The following UIMC1 variants were observed in gnomAD, a reference collection of about 807,000 sequenced individuals.
UIMC1 encodes BRCA1-A complex subunit RAP80.
A neutral mutation model predicts 84.9 loss-of-function variants in UIMC1; 42 were observed. That is an observed-to-expected ratio of 0.49 (90% CI 0.39 to 0.64). The LOEUF is 0.64. UIMC1 is among the 30% of genes least tolerant of loss of function. UIMC1 has a pLI of 0.00. For missense variants in UIMC1, 825 were observed against 847.6 expected (o/e 0.97, Z 0.33); for synonymous variants, 281 against 293.0 (o/e 0.96, Z 0.42).
intron 12 of UIMC1, among the ~76,000 whole-genome samples, chr5:176,908,265 T>A (rs1017649665): frequency 6.6e-6 from 1 of 152,202 alleles, no homozygotes; most frequent in Non-Finnish European, 1.5e-5. Flanking sequence ...AAGGTTATCA[T>A]CTTTGAGTAG....
intron 10 of UIMC1, among the ~76,000 whole-genome samples, chr5:176,928,268 C>T (rs1357302927): frequency 3.9e-5 from 6 of 152,078 alleles, no homozygotes; most frequent in East Asian, 1.9e-4. Flanking sequence ...TGAGTAGTTG[C>T]GACAGAGACC....
chr5:176,979,151 A>G (rs957620350), intron 2 of UIMC1, among the ~76,000 whole-genome samples: 15 of 152,242 alleles, frequency 9.9e-5, no homozygotes, highest in African/African-American at 3.6e-4. Flanking sequence ...TGATAAAGGT[A>G]AAATTTCAAA....
intron 10 of UIMC1, among the ~76,000 whole-genome samples, chr5:176,940,973 C>T (rs548058172): frequency 2.0e-5 from 3 of 152,318 alleles, no homozygotes; most frequent in Admixed American, 6.5e-5. Context: ...GACTCAAGCT[C>T]AAACTGACTG....
In UIMC1 at chr5:176,943,339, A is replaced by G. The variant is rs755666630; in HGVS notation, c.1593T>C (p.Asp531=). 8.1e-6 allele frequency: 13 copies of G among 1,613,822 alleles called. No individual in the cohort carries two copies. The highest frequency in any genetic ancestry group is 1.1e-5 in the Non-Finnish European group (13 of 1,179,882). ...AMYCNGLMEE[D]TVLTRRQKEA... is the part of the protein sequence containing the mutation. The stretch of plus-strand genomic sequence containing the variant: ...GCTGTCCTGCTGGGTCTTTACCTGT[A>G]TCTTCCTCCATCAGACCATTGCAGT... The change falls in exon 10 of 15, where the codon GAT becomes GAC. Residue 531 remains aspartate (D), a synonymous_variant. Transcript: ENST00000511320.
intron 14 of UIMC1, 46 bp from the exon 15 acceptor site, chr5:176,905,538 C>T (rs1759248544): frequency 1.3e-6 from 2 of 1,555,370 alleles, no homozygotes; most frequent in African/African-American, 2.7e-5. Flanking sequence ...ACCTACTAAG[C>T]ATCAAGGACA....
chr5:177,013,361 A>AACAC (rs6149367), intron 1 of UIMC1, among the ~76,000 whole-genome samples: 13,620 of 137,634 alleles, frequency 0.099, 1,033 homozygotes, highest in East Asian at 0.22. Flanking sequence ...ACTGCATCCA[A>AACAC]ACACACACAC....
At chr5:176,938,189 CAAAAAAAAAA>C (rs1170386962) in intron 10 of UIMC1, among the ~76,000 whole-genome samples, 100 of 56,344 alleles carry the variant, frequency 1.8e-3, no homozygotes, top group African/African-American at 7.6e-3. Context: ...GACCCTGTCT[CAAAAAAAAAA>C]AAAAAAAAAA....
In UIMC1 at chr5:176,951,468, A is replaced by C; in HGVS notation, c.1443+6T>G. On this transcript the variant is annotated splice_donor_region_variant and intron_variant, in intron 9 of 14. Coordinates refer to ENST00000511320, the MANE Select transcript of UIMC1 (RefSeq NM_001199298.2). ...ACTGAGAAAAAATATAGAGGAAAAT[A>C]TTCACCTCCTTATCTGCCATTATTA... The C allele has an allele frequency of 4.3e-5, 60 of 1,399,272 alleles. No individual in the cohort carries two copies. Among genetic ancestry groups the C allele is most frequent in the Non-Finnish European group, 5.3e-5 (55 of 1,029,052 alleles). 86.7% of individuals were successfully genotyped at this position (1,399,272 alleles called of 1,614,324 possible). A position where few individuals can be genotyped will look rare whatever the true frequency, so the allele number is the denominator to read the frequency against.
At chr5:176,939,545 G>A (rs1764165124) in intron 10 of UIMC1, among the ~76,000 whole-genome samples, 1 of 152,102 alleles carries the variant, frequency 6.6e-6, no homozygotes, top group Admixed American at 6.5e-5. Context: ...TGTTACAAGT[G>A]ACTACAGTGT....
chr5:177,005,042 G>A (rs778517689), intron 1 of UIMC1, among the ~76,000 whole-genome samples: 1 of 151,784 alleles, frequency 6.6e-6, no homozygotes, highest in Middle Eastern at 3.2e-3. Flanking sequence ...CCACAGGCAC[G>A]CGCCACCACG....
chr5:176,913,193 C>G (rs1417744213), intron 10 of UIMC1, among the ~76,000 whole-genome samples: 2 of 152,158 alleles, frequency 1.3e-5, no homozygotes, highest in African/African-American at 4.8e-5. Context: ...AAGAACTATA[C>G]CTAGTTACTA....
At chr5:176,926,658 C>CAAG (rs1026095132) in intron 10 of UIMC1, among the ~76,000 whole-genome samples, 2 of 151,736 alleles carry the variant, frequency 1.3e-5, no homozygotes, top group African/African-American at 4.8e-5. Flanking sequence ...ACAACAACAA[C>CAAG]AAGAGATGCA....
chr5:176,971,393 C>G (rs893227506), intron 3 of UIMC1, among the ~76,000 whole-genome samples: 11 of 152,110 alleles, frequency 7.2e-5, no homozygotes, highest in Non-Finnish European at 1.6e-4. Flanking sequence ...ATGGCTGGGT[C>G]CCAAGTCCAA....
chr5:176,915,160 GTTCCTA>G (rs1298241111), intron 10 of UIMC1, among the ~76,000 whole-genome samples: 1 of 151,664 alleles, frequency 6.6e-6, no homozygotes, highest in Non-Finnish European at 1.5e-5. Context: ...CCACATTTCT[GTTCCTA>G]TTCACTTATA....
intron 8 of UIMC1, among the ~76,000 whole-genome samples, chr5:176,952,000 CAT>C (rs749499462): frequency 1.4e-4 from 21 of 152,170 alleles, no homozygotes; most frequent in African/African-American, 3.1e-4. Context: ...AATAGAATCA[CAT>C]GTCTTTTGTG....
intron 6 of UIMC1, among the ~76,000 whole-genome samples, chr5:176,968,215 T>C (rs1768612235): frequency 6.6e-6 from 1 of 152,006 alleles, no homozygotes; most frequent in Non-Finnish European, 1.5e-5. Context: ...CTACTAAAAG[T>C]ACAAAAATTA....
chr5:176,905,861 C>A, intron 14 of UIMC1, 150 bp downstream of exon 14: 4 of 780,828 alleles, frequency 5.1e-6, no homozygotes, highest in Non-Finnish European at 8.4e-6. Flanking sequence ...AAATGGGGAG[C>A]ACAGAGTCAT....
At chr5:176,918,787 TC>T (rs1385949498) in intron 10 of UIMC1, among the ~76,000 whole-genome samples, 1 of 152,190 alleles carries the variant, frequency 6.6e-6, no homozygotes, top group East Asian at 1.9e-4. Flanking sequence ...CCTTGAATAT[TC>T]CCTCAACTTC....
In UIMC1 at chr5:176,976,008, G is replaced by C. The variant is rs1227522555; in HGVS notation, c.148-528C>G. On this transcript the variant is annotated intron_variant, in intron 2 of 14. Coordinates refer to ENST00000511320, the MANE Select transcript of UIMC1 (RefSeq NM_001199298.2). ...GAAAACAAAAAATAAAATAGAGAAA[G>C]AAATAAAAGGCCAAGCACAGTGGCT... is the stretch of plus-strand genomic sequence containing the variant. Among the ~76,000 whole-genome samples the C allele has an allele frequency of 2.6e-5, 4 of 151,912 alleles. No individual in the cohort carries two copies. The East Asian group carries it at 7.7e-4, about 29-fold the overall frequency.
Sources: gnomAD v4.1 joint callset for allele counts (sites outside exome capture counted in the v4.1 genomes callset) on GRCh38, gnomAD v4.1.1 for gene constraint, MANE v1.5 for transcripts, NCBI Gene and HGNC (gene_info 2026-07-23, HGNC 2026-07-21) for gene names.